The following DSC1 variants were observed in gnomAD, a reference collection of about 807,000 sequenced individuals.
The protein encoded by DSC1 is desmocollin-1.
A neutral mutation model predicts 98.8 loss-of-function variants in DSC1; 79 were observed. That is an observed-to-expected ratio of 0.80 (90% CI 0.67 to 0.96). The LOEUF is 0.96. Ranked by LOEUF, DSC1 falls within the 50% of genes least tolerant of loss-of-function variation. The pLI is 0.00. For missense variants in DSC1, 1,115 were observed against 1,075.9 expected, an observed-to-expected ratio of 1.04 and a Z score of -0.51; for synonymous variants, 405 against 372.1, an observed-to-expected ratio of 1.09 and a Z score of -1.02.
At chr18:31,157,642 C>A in intron 2 of DSC1, 69 bp from the exon 3 acceptor site, 1 of 1,555,722 alleles carries the variant, frequency 6.4e-7, no homozygotes, top group Non-Finnish European at 8.9e-7. Context: ...ACAGGAATGA[C>A]AGCCGTGAGT....
At position 31,130,495 on chromosome 18, in the gene DSC1, A is replaced by G. The variant is rs753963856; in HGVS notation, c.*19T>C. The G allele has an allele frequency of 8.7e-6, 14 of 1,613,152 alleles. No homozygotes were observed. The highest frequency in any genetic ancestry group is 1.0e-5 in the Non-Finnish European group (12 of 1,179,322). Reference sequence around the variant, plus strand: ...TCCTACTTATGCATCTGTGGATATTACACTATTAAAAGGCACATTTATTTC... The same window carrying G: ...TCCTACTTATGCATCTGTGGATATTGCACTATTAAAAGGCACATTTATTTC... On this transcript the variant is annotated 3_prime_UTR_variant, in exon 16 of 16. Transcript: ENST00000257198.
chr18:31,150,153 T>C (rs1598625089), intron 5 of DSC1, among the ~76,000 whole-genome samples: 1 of 125,644 alleles, frequency 8.0e-6, no homozygotes, highest in Admixed American at 8.3e-5. Flanking sequence ...ATCATCGCAA[T>C]CACCACCACC....
Position 31,134,129 on chromosome 18 carries a change from A to G in DSC1, c.1878T>C (p.Gly626=). The G allele has an allele frequency of 6.2e-7, 1 of 1,601,552 alleles. No homozygotes were observed. The highest frequency in any genetic ancestry group is 8.5e-7 in the Non-Finnish European group (1 of 1,178,958). Reference sequence around the variant, plus strand: ...GCCGTTGACGAAGAATGGCAGTTTTACCTAGGGAAAAAAAAGACAGAATAT... The same window carrying G: ...GCCGTTGACGAAGAATGGCAGTTTTGCCTAGGGAAAAAAAAGACAGAATAT... The part of the protein sequence containing the change: ...SKNWNIEEKD[G]KTAILRQRQN... The change falls in exon 13 of 16, where the codon GGT becomes GGC. Residue 626 remains glycine (G), a splice_region_variant and synonymous_variant. Transcript: ENST00000257198.
At chr18:31,162,284 G>A (rs936726758) in intron 1 of DSC1, among the ~76,000 whole-genome samples, 6 of 152,166 alleles carry the variant, frequency 3.9e-5, no homozygotes, top group African/African-American at 1.4e-4. Context: ...CAGCAGGATG[G>A]AAGAGGGATT....
chr18:31,134,018 T>A lies in DSC1; in HGVS notation c.1989A>T (p.Arg663Ser), dbSNP rs767387591. 6.2e-7 allele frequency: 1 copy of A among 1,613,238 alleles called. No individual in the cohort carries two copies. The highest frequency in any genetic ancestry group is 8.5e-7 in the Non-Finnish European group (1 of 1,179,652). ...GLVATHMLTV[R>S]VCDCSTPSEC... ...CAGATGGAGTTGAACAGTCACATAC[T>A]CTCACTGTTAACATATGTGTTGCAA... The change falls in exon 13 of 16, where the codon AGA becomes AGT. Residue 663 changes from arginine to serine, a missense_variant. Physicochemically the swap from Arg to Ser is moderately radical, Grantham distance 110. Transcript: ENST00000257198.
chr18:31,133,177 A>T (rs1281555080), intron 13 of DSC1, among the ~76,000 whole-genome samples: 2 of 152,212 alleles, frequency 1.3e-5, no homozygotes, highest in Non-Finnish European at 2.9e-5. Flanking sequence ...AGTAAAGATT[A>T]TAGGAAAAGT....
At position 31,130,451 on chromosome 18, in the gene DSC1, C is replaced by A. The variant is rs1988458878; in HGVS notation, c.*63G>T. 3.8e-6 allele frequency: 6 copies of A among 1,574,458 alleles called. No individual in the cohort carries two copies. The highest frequency in any genetic ancestry group is 5.2e-6 in the Non-Finnish European group (6 of 1,148,828). On this transcript the variant is annotated 3_prime_UTR_variant, in exon 16 of 16. Coordinates refer to ENST00000257198, the MANE Select transcript of DSC1 (RefSeq NM_024421.2). ...CAAAAACATTAGCAGATGCTGCTAA[C>A]ATTCTGCAAGTAATAAATTCCTACT...
intron 5 of DSC1, among the ~76,000 whole-genome samples, chr18:31,151,877 A>G (rs1162045785): frequency 6.6e-6 from 1 of 152,134 alleles, no homozygotes. Flanking sequence ...AAACATTACA[A>G]GAGGCCGGGC....
chr18:31,147,963 CTGAA>C (rs3030288), intron 6 of DSC1, among the ~76,000 whole-genome samples: 26 of 151,450 alleles, frequency 1.7e-4, no homozygotes, highest in African/African-American at 5.6e-4. Context: ...TAAAAAACCA[CTGAA>C]TGAATGAATG....
At chr18:31,147,388 T>C (rs1303945696) in intron 6 of DSC1, among the ~76,000 whole-genome samples, 4 of 152,172 alleles carry the variant, frequency 2.6e-5, no homozygotes, top group African/African-American at 9.6e-5. Flanking sequence ...TGTTGCACAT[T>C]CAGATCTGTT....
At chr18:31,136,291 A>G (rs1026316248) in intron 11 of DSC1, among the ~76,000 whole-genome samples, 9 of 152,186 alleles carry the variant, frequency 5.9e-5, no homozygotes, top group African/African-American at 2.2e-4. Context: ...TGCATACACT[A>G]CACATGAGTT....
At chr18:31,139,008 A>T (rs981267260) in intron 11 of DSC1, among the ~76,000 whole-genome samples, 9 of 151,936 alleles carry the variant, frequency 5.9e-5, no homozygotes, top group African/African-American at 2.2e-4. Flanking sequence ...TATGTTTTGT[A>T]TATTTTTATG....
At chr18:31,148,689 A>G in intron 5 of DSC1, 47 bp from the exon 6 acceptor site, 2 of 1,486,986 alleles carry the variant, frequency 1.3e-6, no homozygotes, top group Non-Finnish European at 1.8e-6. Flanking sequence ...ACCACAAATT[A>G]TGCACAAAAG....
intron 1 of DSC1, among the ~76,000 whole-genome samples, chr18:31,160,007 G>GC (rs1989181051): frequency 6.6e-6 from 1 of 152,028 alleles, no homozygotes; most frequent in South Asian, 2.1e-4. Context: ...GAAAAATAAT[G>GC]CCCCCAAAAA....
intron 4 of DSC1, among the ~76,000 whole-genome samples, chr18:31,155,186 A>AT (rs1245214510): frequency 2.0e-5 from 3 of 152,226 alleles, no homozygotes; most frequent in African/African-American, 7.2e-5. Context: ...ATGTAGAGTA[A>AT]TACACTTTTC....
intron 2 of DSC1, 128 bp from the exon 3 acceptor site, chr18:31,157,701 G>A (rs1989127839): frequency 1.1e-6 from 1 of 888,982 alleles, no homozygotes; most frequent in Non-Finnish European, 1.7e-6. Context: ...AATGTGCTCA[G>A]CACCTGCTAT....
chr18:31,134,649 C>G lies in DSC1; in HGVS notation c.1799G>C (p.Gly600Ala), dbSNP rs1260381784. The G allele has an allele frequency of 1.2e-6, 2 of 1,612,880 alleles. No homozygotes were observed. The highest frequency in any genetic ancestry group is 1.7e-6 in the Non-Finnish European group (2 of 1,179,424). Reference protein sequence around the residue: ...FAVLKPVDPDGPENGPPFQFF... With the variant: ...FAVLKPVDPDAPENGPPFQFF... Reference sequence around the variant, plus strand: ...TTGAAAAGGTGGTCCATTTTCAGGTCCATCTGGATCTACAGGTTTCAGAAC... The same window carrying G: ...TTGAAAAGGTGGTCCATTTTCAGGTGCATCTGGATCTACAGGTTTCAGAAC... The change falls in exon 12 of 16, where the codon GGA becomes GCA. Residue 600 changes from glycine to alanine, a missense_variant. Coordinates refer to ENST00000257198, the MANE Select transcript of DSC1 (RefSeq NM_024421.2).
chr18:31,156,530 A>G (rs899100038), intron 3 of DSC1, among the ~76,000 whole-genome samples: 11 of 152,206 alleles, frequency 7.2e-5, no homozygotes, highest in Admixed American at 6.5e-4. Context: ...ACTCCACAAT[A>G]CAATCATTTA....
intron 5 of DSC1, 105 bp downstream of exon 5, chr18:31,154,669 T>C: frequency 9.5e-7 from 1 of 1,054,720 alleles, no homozygotes; most frequent in Middle Eastern, 2.6e-4. Flanking sequence ...TCTTGAATAT[T>C]AAATCAAATA....
Sources: gnomAD v4.1 joint callset for allele counts (sites outside exome capture counted in the v4.1 genomes callset) on GRCh38, gnomAD v4.1.1 for gene constraint, MANE v1.5 for transcripts, NCBI Gene and HGNC (gene_info 2026-07-23, HGNC 2026-07-21) for gene names.